The following REV3L variants were observed in gnomAD, a reference collection of about 807,000 sequenced individuals.
REV3L encodes the protein DNA polymerase zeta catalytic subunit.
In REV3L, 69 loss-of-function variants were observed where a neutral mutation model predicts 299.4. The ratio of observed to expected loss-of-function variants is 0.23; its 90% confidence interval spans 0.19 to 0.28. The LOEUF (loss-of-function observed/expected upper bound fraction) is 0.28. REV3L is among the 10% of genes least tolerant of loss of function. The probability of loss-of-function intolerance (pLI) is 1.00; values close to 1 mark genes in which losing one functional copy is unlikely to be tolerated. For synonymous variants in REV3L, 1,238 were observed against 1,271.4 expected (o/e 0.97, Z 0.56); for missense variants, 3,128 against 3,693.8 (o/e 0.85, Z 3.97).
At chr6:111,356,954 G>A in intron 18 of REV3L, 60 bp downstream of exon 18, 3 of 814,488 alleles carry the variant, frequency 3.7e-6, no homozygotes, top group East Asian at 2.8e-5. Flanking sequence ...ACTATTATCT[G>A]CAATAGCATG....
chr6:111,418,116 C>A (rs1441876902), intron 1 of REV3L, among the ~76,000 whole-genome samples: 1 of 152,132 alleles, frequency 6.6e-6, no homozygotes, highest in African/African-American at 2.4e-5. Context: ...TGGACAAAAA[C>A]CACAATTTGA....
rs374826872 is a variant in REV3L at position 111,331,749 on chromosome 6, C to T, written c.7961G>A (p.Arg2654Lys). ...DEFKFGCTSL[R>K]VPPDLLYQVR... ...TTGGTAAAGTAAATCTGGAGGTACT[C>T]TCAGAGAGGTACAGCCAAATTTGAA... Residue 2654 changes from arginine (R) to lysine (K), a missense_variant, in exon 24 of 32, where the codon AGA (arginine) becomes AAA (lysine). Physicochemically the swap from Arg to Lys is conservative, Grantham distance 26 (BLOSUM62 2). Transcript: ENST00000368802. The T allele has an allele frequency of 6.2e-7, 1 of 1,613,114 alleles. No individual in the cohort carries two copies. The highest frequency in any genetic ancestry group is 8.5e-7 in the Non-Finnish European group (1 of 1,179,560).
intron 1 of REV3L, chr6:111,431,468 G>C: frequency 9.6e-7 from 1 of 1,045,704 alleles, no homozygotes; most frequent in South Asian, 1.3e-5. Context: ...AACTTGATGA[G>C]ACCACCAGAT....
chr6:111,405,119 A>G (rs72945401), intron 4 of REV3L, among the ~76,000 whole-genome samples: 12,535 of 152,226 alleles, frequency 0.082, 662 homozygotes, highest in Middle Eastern at 0.15. Flanking sequence ...AAAAAAAAAA[A>G]AGAATCACAA....
intron 1 of REV3L, among the ~76,000 whole-genome samples, chr6:111,424,427 A>G (rs1297390548): frequency 2.6e-5 from 4 of 152,250 alleles, no homozygotes; most frequent in Non-Finnish European, 5.9e-5. Flanking sequence ...AAACTGTCAA[A>G]AGCAACTTTT....
chr6:111,403,419 T>A (rs1783291341), intron 4 of REV3L, among the ~76,000 whole-genome samples: 1 of 152,238 alleles, frequency 6.6e-6, no homozygotes, highest in Admixed American at 6.5e-5. Context: ...GTGGCAACTC[T>A]GCATTGAGCA....
rs1187700930 is a variant in REV3L at position 111,377,939 on chromosome 6, CTAAGT to C, written c.1455-101_1455-97del. ...CTAAGTTAACTCTATAATAATGTAT[CTAAGT>C]TAACTATAATAATGTATCTAAGTTA... On this transcript the variant is annotated intron_variant, in intron 11 of 31. Transcript: ENST00000368802. 5.4e-6 allele frequency: 5 copies of C among 923,750 alleles called. No homozygotes were observed. In the African/African-American group the frequency reaches 6.8e-5, roughly 12 times the overall value. The allele number at this position is 923,750 out of a possible 1,614,324, so 57.2% of individuals were successfully genotyped here.
chr6:111,387,177 C>T (rs1049880801), intron 9 of REV3L, among the ~76,000 whole-genome samples: 43 of 152,194 alleles, frequency 2.8e-4, no homozygotes, highest in East Asian at 1.9e-4. Flanking sequence ...AAGCCAGACA[C>T]AAAAGACTAT....
At chr6:111,300,761 A>ATCTT (rs1771407041) in intron 31 of REV3L, among the ~76,000 whole-genome samples, 1 of 152,198 alleles carries the variant, frequency 6.6e-6, no homozygotes, top group Non-Finnish European at 1.5e-5. Flanking sequence ...CCTGTCTTTA[A>ATCTT]TCTTTTAATT....
chr6:111,458,629 C>T (rs933583552), intron 1 of REV3L, among the ~76,000 whole-genome samples: 8 of 151,736 alleles, frequency 5.3e-5, no homozygotes, highest in Non-Finnish European at 7.4e-5. Flanking sequence ...AGCATTTCTA[C>T]GTAACAATAA....
At chr6:111,315,560 T>G (rs1279454359) in intron 26 of REV3L, 179 bp from the exon 27 acceptor site, 1 of 576,052 alleles carries the variant, frequency 1.7e-6, no homozygotes, top group Non-Finnish European at 3.1e-6. Context: ...CCTTATGTAC[T>G]TATATCTTGT....
At chr6:111,399,265 C>T (rs1017343114) in intron 4 of REV3L, among the ~76,000 whole-genome samples, 2 of 152,016 alleles carry the variant, frequency 1.3e-5, no homozygotes, top group African/African-American at 4.8e-5. Flanking sequence ...TTATTATTTT[C>T]CCCAGTAACC....
chr6:111,332,324 G>T (rs1157419812), intron 23 of REV3L, among the ~76,000 whole-genome samples: 1 of 152,060 alleles, frequency 6.6e-6, no homozygotes, highest in African/African-American at 2.4e-5. Flanking sequence ...GCCCGCCTTG[G>T]CCTCCCAAAG....
chr6:111,415,348 G>T (rs1161005627), intron 2 of REV3L, among the ~76,000 whole-genome samples: 1 of 152,096 alleles, frequency 6.6e-6, no homozygotes, highest in Admixed American at 6.5e-5. Flanking sequence ...GTGGACAGAG[G>T]GATGTTTTAC....
intron 13 of REV3L, 21 bp from the exon 14 acceptor site, chr6:111,368,049 AC>A: frequency 6.5e-7 from 1 of 1,545,712 alleles, no homozygotes; most frequent in Non-Finnish European, 8.7e-7. Context: ...ATATTTTAGA[AC>A]AACTGTTTTG....
rs1582722540 is a variant in REV3L, at chr6:111,370,196, T to G, written c.5760-2168A>C. On this transcript the variant is annotated intron_variant, in intron 13 of 31. Coordinates refer to ENST00000368802, the MANE Select transcript of REV3L (RefSeq NM_001372078.1). Reference sequence around the variant, plus strand: ...TTTTTTATTTTAGCTGCAGGACAAGTGTCAAAGTTGGACAATAACAACAAC... The same window carrying G: ...TTTTTTATTTTAGCTGCAGGACAAGGGTCAAAGTTGGACAATAACAACAAC... Among the ~76,000 whole-genome samples, 3 of 152,306 alleles carry G rather than the reference T, an allele frequency of 2.0e-5. No individual in the cohort carries two copies. The South Asian group carries it at 6.2e-4, about 32-fold the overall frequency.
intron 1 of REV3L, among the ~76,000 whole-genome samples, chr6:111,434,922 T>G (rs1003059049): frequency 2.6e-5 from 4 of 152,014 alleles, no homozygotes; most frequent in Non-Finnish European, 5.9e-5. Context: ...AAGTAACAAT[T>G]CTGGCTAATG....
chr6:111,303,718 T>A (rs1477271068), intron 31 of REV3L, among the ~76,000 whole-genome samples: 2 of 79,422 alleles, frequency 2.5e-5, no homozygotes, highest in Non-Finnish European at 5.8e-5. Flanking sequence ...TTTTTTTTTT[T>A]TTTTTTTTTT....
intron 1 of REV3L, among the ~76,000 whole-genome samples, chr6:111,451,214 C>G (rs1266823641): frequency 6.6e-6 from 1 of 152,128 alleles, no homozygotes; most frequent in Non-Finnish European, 1.5e-5. Context: ...GAGTCTAGTT[C>G]AGAATATCTC....
Sources: allele counts gnomAD v4.1 joint callset (sites outside exome capture counted in the v4.1 genomes callset), GRCh38; gene constraint gnomAD v4.1.1; transcripts MANE v1.5; gene names NCBI Gene and HGNC (gene_info 2026-07-23, HGNC 2026-07-21).